MAPKAP1: variants seen among roughly 807,000 people sequenced by gnomAD.
The protein encoded by MAPKAP1 is MAPK associated protein 1, also known as target of rapamycin complex 2 subunit MAPKAP1.
In MAPKAP1, 20 loss-of-function variants were observed where a neutral mutation model predicts 65.7. That is an observed-to-expected ratio of 0.30 (90% CI 0.21 to 0.44). MAPKAP1 has a LOEUF of 0.44. MAPKAP1 is among the 20% of genes least tolerant of loss of function. The pLI is 1.00. For synonymous variants in MAPKAP1, 222 were observed against 244.3 expected, an observed-to-expected ratio of 0.91 and a Z score of 0.85; for missense variants, 423 against 648.0, an observed-to-expected ratio of 0.65 and a Z score of 3.77.
chr9:125,652,428 A>G (rs1251831445), intron 4 of MAPKAP1, among the ~76,000 whole-genome samples: 1 of 152,200 alleles, frequency 6.6e-6, no homozygotes, highest in Non-Finnish European at 1.5e-5. Flanking sequence ...GTTTAATTTA[A>G]GGAACTGCTT....
intron 4 of MAPKAP1, among the ~76,000 whole-genome samples, chr9:125,638,774 C>T (rs777345261): frequency 1.3e-5 from 2 of 152,206 alleles, no homozygotes; most frequent in Non-Finnish European, 2.9e-5. Context: ...TCCCTAAGCA[C>T]ATCATTGTCT....
intron 1 of MAPKAP1, among the ~76,000 whole-genome samples, chr9:125,701,052 G>T (rs572446830): frequency 3.0e-4 from 46 of 152,232 alleles, no homozygotes; most frequent in African/African-American, 1.1e-3. Flanking sequence ...AGAGAGGAGG[G>T]GCAGCATTTT....
At chr9:125,571,102 T>C (rs1831216423) in intron 5 of MAPKAP1, among the ~76,000 whole-genome samples, 1 of 152,228 alleles carries the variant, frequency 6.6e-6, no homozygotes, top group East Asian at 1.9e-4. Context: ...TTATCAAATG[T>C]AAAATGGTGT....
At chr9:125,662,153 G>A (rs928311781) in intron 3 of MAPKAP1, among the ~76,000 whole-genome samples, 5 of 152,162 alleles carry the variant, frequency 3.3e-5, no homozygotes, top group Non-Finnish European at 7.3e-5. Flanking sequence ...AGGCCAAGAT[G>A]GGCAGATCAC....
chr9:125,519,528 C>G (rs1406351325), intron 7 of MAPKAP1, among the ~76,000 whole-genome samples: 1 of 151,608 alleles, frequency 6.6e-6, no homozygotes, highest in Admixed American at 6.6e-5. Context: ...GCTTGGAAGG[C>G]TGAGGTGGGA....
At chr9:125,585,795 G>T (rs2131579816) in intron 4 of MAPKAP1, 68 bp from the exon 5 acceptor site, 1 of 1,470,082 alleles carries the variant, frequency 6.8e-7, no homozygotes, top group Non-Finnish European at 9.4e-7. Flanking sequence ...TGCTCTCCAG[G>T]CCTGTGGGCA....
chr9:125,691,078 G>A (rs1042837633), intron 1 of MAPKAP1, among the ~76,000 whole-genome samples: 2 of 152,124 alleles, frequency 1.3e-5, no homozygotes, highest in African/African-American at 2.4e-5. Context: ...TGGCTAACAC[G>A]GTGAAACCCC....
intron 4 of MAPKAP1, among the ~76,000 whole-genome samples, chr9:125,599,096 C>T (rs1832226521): frequency 6.6e-6 from 1 of 150,960 alleles, no homozygotes; most frequent in Non-Finnish European, 1.5e-5. Flanking sequence ...ACAGTAAATG[C>T]TCAAGAAATA....
intron 4 of MAPKAP1, among the ~76,000 whole-genome samples, chr9:125,589,309 T>G (rs1243119116): frequency 6.6e-6 from 1 of 152,232 alleles, no homozygotes. Context: ...ACATCTTTAG[T>G]GTATGCTTTC....
chr9:125,705,380 C>CA (rs781496387), intron 1 of MAPKAP1, among the ~76,000 whole-genome samples: 12 of 152,104 alleles, frequency 7.9e-5, no homozygotes, highest in Non-Finnish European at 1.3e-4. Flanking sequence ...CCCAAATACT[C>CA]AAAGTTTAGT....
intron 4 of MAPKAP1, chr9:125,652,176 A>T (rs1226919343): frequency 1.5e-6 from 2 of 1,318,094 alleles, no homozygotes; most frequent in Non-Finnish European, 2.0e-6. Context: ...GTTTTAAGTG[A>T]CTTTCTTTGA....
intron 6 of MAPKAP1, among the ~76,000 whole-genome samples, 194 bp from the exon 7 acceptor site, chr9:125,543,362 G>T (rs929393335): frequency 2.0e-5 from 3 of 151,966 alleles, no homozygotes; most frequent in African/African-American, 7.3e-5. Flanking sequence ...CGCCTCCTGG[G>T]TTCACACCAT....
chr9:125,482,138 A>AC, intron 9 of MAPKAP1, among the ~76,000 whole-genome samples: 1 of 99,822 alleles, frequency 1.0e-5, no homozygotes, highest in Non-Finnish European at 2.2e-5. Context: ...GTCTAAAAAA[A>AC]AAAAAAAAAA....
At chr9:125,451,436 C>T (rs1223628979) in intron 10 of MAPKAP1, among the ~76,000 whole-genome samples, 2 of 152,186 alleles carry the variant, frequency 1.3e-5, no homozygotes, top group African/African-American at 4.8e-5. Flanking sequence ...TTTCCTGTGT[C>T]GGGTTTGCCC....
intron 7 of MAPKAP1, among the ~76,000 whole-genome samples, chr9:125,515,683 C>T (rs1829439982): frequency 1.3e-5 from 2 of 152,224 alleles, no homozygotes; most frequent in African/African-American, 4.8e-5. Flanking sequence ...TCGGCCCTGG[C>T]CACTTCAGGT....
intron 4 of MAPKAP1, among the ~76,000 whole-genome samples, chr9:125,648,993 G>A (rs1169781572): frequency 6.6e-6 from 1 of 152,064 alleles, no homozygotes; most frequent in Non-Finnish European, 1.5e-5. Context: ...TAGAACACTT[G>A]GATTCTATGC....
At chr9:125,652,837 A>C (rs1833930561) in intron 4 of MAPKAP1, among the ~76,000 whole-genome samples, 1 of 152,094 alleles carries the variant, frequency 6.6e-6, no homozygotes, top group South Asian at 2.1e-4. Flanking sequence ...ACCCCACTGG[A>C]CTCCCTGAAC....
chr9:125,698,294 T>TATATAA lies in MAPKAP1; in HGVS notation c.-70+8676_-70+8677insTTATAT, dbSNP rs1554845648. ...ATAATACATAATATATATAAATATA[T>TATATAA]ATATATATATATATATATATATATA... is the stretch of plus-strand genomic sequence containing the variant. On this transcript the variant is annotated intron_variant, in intron 1 of 11. Transcript: ENST00000265960. Among the ~76,000 whole-genome samples the TATATAA allele has an allele frequency of 1.9e-3, 12 of 6,326 alleles. No homozygotes were observed. The East Asian group carries it at 0.028, about 15-fold the overall frequency. The allele number at this position is 6,326 out of a possible 152,430, so 4.2% of individuals were successfully genotyped here.
chr9:125,582,091 A>C (rs1399516477), intron 5 of MAPKAP1, among the ~76,000 whole-genome samples: 4 of 152,128 alleles, frequency 2.6e-5, no homozygotes, highest in Non-Finnish European at 5.9e-5. Flanking sequence ...CCTCAGTATC[A>C]ACTGTCCTTC....
Sources: gnomAD v4.1 joint callset for allele counts (sites outside exome capture counted in the v4.1 genomes callset) on GRCh38, gnomAD v4.1.1 for gene constraint, MANE v1.5 for transcripts, NCBI Gene and HGNC (gene_info 2026-07-23, HGNC 2026-07-21) for gene names.